Variants in ERBB4 observed in about 807,000 individuals in gnomAD.
The protein encoded by ERBB4 is erb-b2 receptor tyrosine kinase 4.
In ERBB4, 42 loss-of-function variants were observed where a neutral mutation model predicts 158.0. The ratio of observed to expected loss-of-function variants is 0.27; its 90% CI spans 0.21 to 0.34. The LOEUF is 0.34. Ranked by LOEUF, ERBB4 falls within the 10% of genes least tolerant of loss-of-function variation. The pLI is 1.00. For missense variants in ERBB4, 1,333 were observed against 1,624.1 expected, an observed-to-expected ratio of 0.82 and a Z score of 3.08; for synonymous variants, 583 against 558.7, an observed-to-expected ratio of 1.04 and a Z score of -0.61.
At chr2:211,753,217 G>C (rs1236899608) in intron 4 of ERBB4, among the ~76,000 whole-genome samples, 1 of 151,738 alleles carries the variant, frequency 6.6e-6, no homozygotes, top group Non-Finnish European at 1.5e-5. Flanking sequence ...ACCTTAGTTT[G>C]ATTCTTGTAG....
At chr2:212,364,799 A>C (rs2089822154) in intron 1 of ERBB4, among the ~76,000 whole-genome samples, 1 of 151,722 alleles carries the variant, frequency 6.6e-6, no homozygotes, top group Admixed American at 6.6e-5. Flanking sequence ...CATTTTATGC[A>C]TGCCAGTACA....
intron 1 of ERBB4, among the ~76,000 whole-genome samples, chr2:212,157,636 A>G (rs1430894021): frequency 6.6e-6 from 1 of 152,140 alleles, no homozygotes; most frequent in Non-Finnish European, 1.5e-5. Context: ...CTCATTACAA[A>G]CTAAAACTAT....
At chr2:212,279,970 C>T (rs977965149) in intron 1 of ERBB4, among the ~76,000 whole-genome samples, 2 of 151,538 alleles carry the variant, frequency 1.3e-5, no homozygotes, top group African/African-American at 2.4e-5. Context: ...AAAACTCATT[C>T]ATTTCAAACA....
chr2:212,532,919 G>A (rs1692835082), intron 1 of ERBB4, among the ~76,000 whole-genome samples: 1 of 152,200 alleles, frequency 6.6e-6, no homozygotes, highest in Non-Finnish European at 1.5e-5. Flanking sequence ...ACTCCATATT[G>A]TAAAAGGGAC....
intron 3 of ERBB4, among the ~76,000 whole-genome samples, chr2:211,807,392 T>A (rs1199686150): frequency 6.6e-6 from 1 of 152,170 alleles, no homozygotes; most frequent in African/African-American, 2.4e-5. Flanking sequence ...GAACACGCGA[T>A]GTTTGGTTTT....
intron 1 of ERBB4, among the ~76,000 whole-genome samples, chr2:212,397,512 G>T (rs570763582): frequency 1.4e-5 from 2 of 144,278 alleles, no homozygotes; most frequent in African/African-American, 2.5e-5. Flanking sequence ...AGGAAGGAAG[G>T]GGGGAAGGGG....
intron 1 of ERBB4, among the ~76,000 whole-genome samples, chr2:212,167,341 C>A (rs1023965407): frequency 2.7e-4 from 41 of 152,066 alleles, no homozygotes; most frequent in African/African-American, 9.9e-4. Flanking sequence ...TGAAAAAAAG[C>A]TCAACATCAC....
chr2:211,383,881 A>G lies in ERBB4; in HGVS notation c.3661T>C (p.Tyr1221His), dbSNP rs2062626809. The G allele has an allele frequency of 6.2e-7, 1 of 1,614,042 alleles. No individual in the cohort carries two copies. The highest frequency in any genetic ancestry group is 8.5e-7 in the Non-Finnish European group (1 of 1,179,998). Residue 1221 changes from tyrosine to histidine, a missense_variant, in exon 28 of 28, where the codon TAC becomes CAC. Around this residue, in one of 5 missense-constraint regions of ERBB4, gnomAD observed 84 missense variants for 110.8 expected, o/e 0.76. Transcript: ENST00000342788. ...TFANTLGKAE[Y>H]LKNNILSMPE... ...ATTGACAGTATGTTGTTCTTCAGGT[A>G]CTCAGCTTTTCCCAAGGTGTTGGCA...
At chr2:212,068,694 G>A (rs1309806680) in intron 2 of ERBB4, among the ~76,000 whole-genome samples, 1 of 152,006 alleles carries the variant, frequency 6.6e-6, no homozygotes, top group Non-Finnish European at 1.5e-5. Flanking sequence ...CTTTGTCTCT[G>A]CTTTCTTCAG....
At chr2:212,371,368 C>T (rs538370676) in intron 1 of ERBB4, among the ~76,000 whole-genome samples, 15 of 152,324 alleles carry the variant, frequency 9.8e-5, no homozygotes, top group South Asian at 2.1e-4. Flanking sequence ...CTCTGCTCTA[C>T]GCAATTCAGT....
At chr2:212,334,186 T>C (rs185520227) in intron 1 of ERBB4, among the ~76,000 whole-genome samples, 6 of 152,138 alleles carry the variant, frequency 3.9e-5, no homozygotes, top group African/African-American at 1.4e-4. Context: ...TAATTATTTA[T>C]CACTCTTAAT....
chr2:211,629,867 C>A (rs1275021713), intron 17 of ERBB4, among the ~76,000 whole-genome samples: 1 of 152,076 alleles, frequency 6.6e-6, no homozygotes, highest in Non-Finnish European at 1.5e-5. Flanking sequence ...AAACTGGATG[C>A]CTTCCTTACA....
chr2:212,348,052 T>C (rs1456518606), intron 1 of ERBB4, among the ~76,000 whole-genome samples: 1 of 152,116 alleles, frequency 6.6e-6, no homozygotes, highest in Non-Finnish European at 1.5e-5. Flanking sequence ...TAATGCTTAG[T>C]GTCAAGAAAC....
chr2:212,321,728 A>G (rs2087576130), intron 1 of ERBB4, among the ~76,000 whole-genome samples: 2 of 150,004 alleles, frequency 1.3e-5, no homozygotes, highest in Admixed American at 1.3e-4. Flanking sequence ...CCACAACAAA[A>G]CCTGTATCTT....
At chr2:211,566,495 A>C (rs1337094975) in intron 19 of ERBB4, among the ~76,000 whole-genome samples, 1 of 152,208 alleles carries the variant, frequency 6.6e-6, no homozygotes, top group Non-Finnish European at 1.5e-5. Flanking sequence ...CACGAGGTGA[A>C]AACATTTGCT....
chr2:211,904,379 G>A (rs534633363), intron 3 of ERBB4, among the ~76,000 whole-genome samples: 4 of 152,168 alleles, frequency 2.6e-5, no homozygotes, highest in African/African-American at 7.2e-5. Flanking sequence ...AGATTTTAAA[G>A]CATAAATGGA....
At chr2:212,271,445 A>G (rs1347148111) in intron 1 of ERBB4, among the ~76,000 whole-genome samples, 1 of 151,756 alleles carries the variant, frequency 6.6e-6, no homozygotes, top group Non-Finnish European at 1.5e-5. Context: ...CTGGAAAATG[A>G]TGCCAAAAGT....
chr2:211,800,675 A>AC (rs2076480224), intron 3 of ERBB4, among the ~76,000 whole-genome samples: 1 of 151,676 alleles, frequency 6.6e-6, no homozygotes, highest in South Asian at 2.1e-4. Flanking sequence ...AAAAAAAAAA[A>AC]AAAAACCTCT....
chr2:211,920,602 A>G (rs146411386), intron 3 of ERBB4, among the ~76,000 whole-genome samples: 158 of 152,108 alleles, frequency 1.0e-3, no homozygotes, highest in African/African-American at 3.5e-3. Flanking sequence ...TTGCCAATAT[A>G]CTACACAGAA....
Sources: gnomAD v4.1 joint callset for allele counts (sites outside exome capture counted in the v4.1 genomes callset) on GRCh38, gnomAD v4.1.1 for gene constraint, gnomAD v4.1.1 regional missense constraint, MANE v1.5 for transcripts, NCBI Gene and HGNC (gene_info 2026-07-23, HGNC 2026-07-21) for gene names.